The following CADM2 variants were observed in gnomAD, a reference collection of about 807,000 sequenced individuals.
The protein encoded by CADM2 is immunoglobulin superfamily member 4D.
CADM2 carries 12 observed loss-of-function variants against 49.8 expected under a neutral mutation model. The ratio of observed to expected loss-of-function variants is 0.24; its 90% CI spans 0.15 to 0.39. The LOEUF is 0.39. CADM2 is among the 10% of genes least tolerant of loss of function. The pLI, the probability that CADM2 is intolerant of heterozygous loss-of-function variation, is 1.00. For synonymous variants in CADM2, 214 were observed against 175.4 expected, an observed-to-expected ratio of 1.22 and a Z score of -1.74; for missense variants, 378 against 492.3, an observed-to-expected ratio of 0.77 and a Z score of 2.20.
At chr3:85,020,305 T>G (rs1447344208) in intron 1 of CADM2, among the ~76,000 whole-genome samples, 1 of 152,160 alleles carries the variant, frequency 6.6e-6, no homozygotes, top group Non-Finnish European at 1.5e-5. Context: ...TTAACAGACA[T>G]TTGCTTTAGG....
intron 1 of CADM2, among the ~76,000 whole-genome samples, chr3:85,427,189 TATATATATATA>T: frequency 1.2e-5 from 1 of 86,374 alleles, no homozygotes; most frequent in East Asian, 6.1e-4. Flanking sequence ...TATATATATA[TATATATATATA>T]TGTATAATAA....
At chr3:85,841,446 A>G (rs927930379) in intron 3 of CADM2, among the ~76,000 whole-genome samples, 2 of 151,958 alleles carry the variant, frequency 1.3e-5, no homozygotes, top group Admixed American at 1.3e-4. Flanking sequence ...TTTCATTTCC[A>G]TATTATTATT....
intron 3 of CADM2, among the ~76,000 whole-genome samples, chr3:85,802,512 T>G (rs1403171304): frequency 6.6e-6 from 1 of 152,142 alleles, no homozygotes; most frequent in Non-Finnish European, 1.5e-5. Context: ...GTTTGAGTTT[T>G]TTTCTTTCTC....
intron 1 of CADM2, among the ~76,000 whole-genome samples, chr3:85,474,145 T>TTTGTGTGTGTGTGTG (rs1256448068): frequency 6.6e-6 from 1 of 151,180 alleles, no homozygotes; most frequent in Non-Finnish European, 1.5e-5. Context: ...CAACAGGAGG[T>TTTGTGTGTGTGTGTG]TTGTGTGTGT....
intron 1 of CADM2, among the ~76,000 whole-genome samples, chr3:85,625,254 A>G (rs1375854043): frequency 6.6e-6 from 1 of 152,126 alleles, no homozygotes; most frequent in African/African-American, 2.4e-5. Flanking sequence ...AGAATTTAGT[A>G]TTAACTTTTT....
At chr3:85,961,705 T>A in intron 8 of CADM2, 58 bp downstream of exon 8, 1 of 1,304,226 alleles carries the variant, frequency 7.7e-7, no homozygotes, top group Non-Finnish European at 1.0e-6. Context: ...AAAAACTATT[T>A]AAATATATCA....
chr3:85,490,847 G>T (rs2039639853), intron 1 of CADM2, among the ~76,000 whole-genome samples: 1 of 147,948 alleles, frequency 6.8e-6, no homozygotes, highest in Admixed American at 6.7e-5. Flanking sequence ...TGTTCTGAGA[G>T]TAAAAAAAAA....
intron 7 of CADM2, among the ~76,000 whole-genome samples, chr3:85,947,323 ATATTCT>A (rs1279061615): frequency 6.6e-6 from 1 of 151,592 alleles, no homozygotes; most frequent in Non-Finnish European, 1.5e-5. Context: ...TATCATATAG[ATATTCT>A]TATACCAGCA....
intron 1 of CADM2, among the ~76,000 whole-genome samples, chr3:85,226,038 T>G (rs2042153099): frequency 6.6e-6 from 1 of 152,226 alleles, no homozygotes; most frequent in African/African-American, 2.4e-5. Context: ...TCAATCTTCA[T>G]CAGGGATATT....
intron 5 of CADM2, among the ~76,000 whole-genome samples, chr3:85,901,447 G>GAAAT (rs1196441640): frequency 6.6e-6 from 1 of 151,910 alleles, no homozygotes; most frequent in African/African-American, 2.4e-5. Context: ...TACTAGTTTG[G>GAAAT]AAATAAAATA....
intron 1 of CADM2, among the ~76,000 whole-genome samples, chr3:85,535,640 A>G (rs2061407757): frequency 6.6e-6 from 1 of 152,062 alleles, no homozygotes; most frequent in Non-Finnish European, 1.5e-5. Flanking sequence ...AAGGATAATT[A>G]TGTTGTCTAC....
intron 1 of CADM2, among the ~76,000 whole-genome samples, chr3:85,164,534 G>C (rs2040418296): frequency 6.6e-6 from 1 of 152,028 alleles, no homozygotes; most frequent in Admixed American, 6.6e-5. Context: ...GAAGACCTGA[G>C]TTCTTTGAAT....
At chr3:85,418,160 G>T (rs1161010810) in intron 1 of CADM2, among the ~76,000 whole-genome samples, 2 of 151,842 alleles carry the variant, frequency 1.3e-5, no homozygotes, top group Non-Finnish European at 2.9e-5. Flanking sequence ...AATTATGCCA[G>T]TCCAGGAAAT....
intron 1 of CADM2, among the ~76,000 whole-genome samples, chr3:85,202,418 G>A (rs993529074): frequency 6.6e-6 from 1 of 152,150 alleles, no homozygotes; most frequent in African/African-American, 2.4e-5. Flanking sequence ...CAGAATGGAT[G>A]TTGTTCTTCC....
chr3:85,330,590 T>C (rs974182968), intron 1 of CADM2, among the ~76,000 whole-genome samples: 1 of 151,942 alleles, frequency 6.6e-6, no homozygotes, highest in African/African-American at 2.4e-5. Flanking sequence ...AATAGAAAAA[T>C]TTATCTGAAT....
At chr3:85,293,962 T>C (rs2043877809) in intron 1 of CADM2, among the ~76,000 whole-genome samples, 1 of 152,022 alleles carries the variant, frequency 6.6e-6, no homozygotes, top group African/African-American at 2.4e-5. Flanking sequence ...GAAAAGGAAA[T>C]GAAGGGTATT....
intron 1 of CADM2, among the ~76,000 whole-genome samples, chr3:85,081,681 ATCTTCCAATTCC>A (rs1350080994): frequency 6.6e-6 from 1 of 152,138 alleles, no homozygotes; most frequent in Non-Finnish European, 1.5e-5. Flanking sequence ...GCTTCTGGCC[ATCTTCCAATTCC>A]TCAGCTCTGT....
intron 1 of CADM2, among the ~76,000 whole-genome samples, chr3:85,561,759 G>A (rs2062102504): frequency 6.6e-6 from 1 of 151,760 alleles, no homozygotes; most frequent in South Asian, 2.1e-4. Flanking sequence ...CTTTTTTTTA[G>A]GCAAGTGAGG....
rs1289486010 is a variant in CADM2 at position 85,173,036 on chromosome 3, C to A, written c.61+213368C>A. ...CTGAGATGGAGTCTTGCTCTGTCGC[C>A]CAGGCTGGGTTGCGATGGTGCAATC... On this transcript the variant is annotated intron_variant, in intron 1 of 9. Transcript: ENST00000383699. Among the ~76,000 whole-genome samples the A allele has an allele frequency of 6.7e-5, 10 of 148,496 alleles. No individual in the cohort carries two copies. The Admixed American group carries it at 6.8e-4, about 10-fold the overall frequency.
Sources: allele counts gnomAD v4.1 joint callset (sites outside exome capture counted in the v4.1 genomes callset), GRCh38; gene constraint gnomAD v4.1.1; transcripts MANE v1.5; gene names NCBI Gene and HGNC (gene_info 2026-07-23, HGNC 2026-07-21).